Variants in NTRK3 observed in about 807,000 individuals in gnomAD.
NTRK3 encodes NT-3 growth factor receptor.
A neutral mutation model predicts 91.7 loss-of-function variants in NTRK3; 24 were observed. The observed-to-expected ratio is 0.26, with a 90% CI of 0.19 to 0.37. The LOEUF is 0.37. NTRK3 is among the 10% of genes least tolerant of loss of function. The pLI, the probability that NTRK3 is intolerant of heterozygous loss-of-function variation, is 1.00. For synonymous variants in NTRK3, 483 were observed against 404.0 expected, an observed-to-expected ratio of 1.20 and a Z score of -2.34; for missense variants, 880 against 1,068.9, an observed-to-expected ratio of 0.82 and a Z score of 2.46.
At chr15:88,132,424 G>T (rs985711241) in intron 10 of NTRK3, among the ~76,000 whole-genome samples, 1 of 152,184 alleles carries the variant, frequency 6.6e-6, no homozygotes, top group African/African-American at 2.4e-5. Context: ...AGAAGTGATT[G>T]TCCTCCATCT....
chr15:87,873,493 T>TG lies in NTRK3; in HGVS notation c.*3441dup, dbSNP rs149219242. The TG allele has an allele frequency of 2.2e-5, 5 of 231,592 alleles. No homozygotes were observed. The East Asian group carries it at 2.4e-4, about 11-fold the overall frequency. The allele number at this position is 231,592 out of a possible 1,614,324, so 14.3% of individuals were successfully genotyped here. A position where few individuals can be genotyped will look rare whatever the true frequency, so the allele number is the denominator to read the frequency against. On this transcript the variant is annotated 3_prime_UTR_variant, in exon 19 of 19. Coordinates refer to ENST00000394480, the Ensembl canonical transcript of NTRK3. ...AGTCCAGGAGAGGATCCGGTGAGGTTGGCATGGCAGAGAGACCAGCCTGGG... is the reference window on the plus strand; with the variant it reads ...AGTCCAGGAGAGGATCCGGTGAGGTTGGGCATGGCAGAGAGACCAGCCTGGG...
chr15:88,115,885 G>T (rs921523154), intron 13 of NTRK3, among the ~76,000 whole-genome samples: 1 of 152,066 alleles, frequency 6.6e-6, no homozygotes. Flanking sequence ...GACCCACTCC[G>T]AGCCACTCCG....
chr15:88,139,657 G>A (rs926663110), intron 6 of NTRK3, among the ~76,000 whole-genome samples: 3 of 151,870 alleles, frequency 2.0e-5, no homozygotes, highest in Non-Finnish European at 4.4e-5. Context: ...TGCTTCTTAC[G>A]ACAACCCTGG....
intron 13 of NTRK3, among the ~76,000 whole-genome samples, chr15:88,038,923 G>A (rs1214709871): frequency 6.6e-6 from 1 of 152,156 alleles, no homozygotes; most frequent in African/African-American, 2.4e-5. Context: ...CTCTAGGGGA[G>A]GAAGCATTTG....
At chr15:87,926,557 C>A (rs1029954838) in intron 17 of NTRK3, 1 of 152,220 alleles carries the variant, frequency 6.6e-6, no homozygotes, top group East Asian at 1.9e-4. Flanking sequence ...TTCTAATCTA[C>A]CCTGGCACCT....
At chr15:88,139,868 A>C (rs891407649) in intron 6 of NTRK3, among the ~76,000 whole-genome samples, 1 of 129,430 alleles carries the variant, frequency 7.7e-6, no homozygotes, top group Non-Finnish European at 1.6e-5. Flanking sequence ...GAGAGGAGCA[A>C]GCTAGGAGCC....
chr15:88,248,705 G>T (rs80087580), intron 3 of NTRK3, among the ~76,000 whole-genome samples: 1 of 152,160 alleles, frequency 6.6e-6, no homozygotes, highest in Non-Finnish European at 1.5e-5. Flanking sequence ...TCTGGAAAAT[G>T]AGGCTAATAA....
chr15:88,138,981 A>G (rs2042134661), intron 6 of NTRK3, among the ~76,000 whole-genome samples: 1 of 152,208 alleles, frequency 6.6e-6, no homozygotes, highest in Non-Finnish European at 1.5e-5. Context: ...TTTCCAAGAT[A>G]TGCTCAAAGC....
chr15:87,869,976 T>C (rs2064780781), exon 19 of NTRK3: 2 of 192,676 alleles, frequency 1.0e-5, no homozygotes, highest in South Asian at 1.9e-4. Flanking sequence ...ACACGTCTTG[T>C]TGGGTTTTAG....
At chr15:88,047,671 A>G (rs1046658444) in intron 13 of NTRK3, among the ~76,000 whole-genome samples, 5 of 152,158 alleles carry the variant, frequency 3.3e-5, no homozygotes, top group African/African-American at 1.2e-4. Flanking sequence ...GAAGCCTGCC[A>G]AAAAGGGAGT....
intron 8 of NTRK3, 52 bp downstream of exon 8, chr15:88,136,413 TAC>T: frequency 6.2e-7 from 1 of 1,612,672 alleles, no homozygotes; most frequent in South Asian, 1.1e-5. Context: ...TCTTCAAGAC[TAC>T]AGTGTGATCA....
At chr15:88,065,540 A>G (rs1190917406) in intron 13 of NTRK3, among the ~76,000 whole-genome samples, 1 of 152,080 alleles carries the variant, frequency 6.6e-6, no homozygotes, top group East Asian at 1.9e-4. Flanking sequence ...AGGACTGGGC[A>G]GATACCCCAG....
chr15:88,178,163 G>A (rs2046164578), intron 5 of NTRK3, among the ~76,000 whole-genome samples: 1 of 152,212 alleles, frequency 6.6e-6, no homozygotes, highest in South Asian at 2.1e-4. Flanking sequence ...GGGACTTGGA[G>A]AAAAGTCTCA....
intron 15 of NTRK3, among the ~76,000 whole-genome samples, chr15:87,940,156 C>A (rs1264558413): frequency 1.3e-5 from 2 of 152,180 alleles, no homozygotes; most frequent in African/African-American, 4.8e-5. Flanking sequence ...GCACCCCCCT[C>A]CCTCAACATC....
At chr15:88,220,779 C>T (rs1488218215) in intron 3 of NTRK3, among the ~76,000 whole-genome samples, 4 of 152,124 alleles carry the variant, frequency 2.6e-5, no homozygotes, top group Admixed American at 6.6e-5. Context: ...GGAATGCTGG[C>T]CACAGGACTC....
rs140469239 is a variant in NTRK3, at chr15:88,153,348, T to A, written c.396-5945A>T. Reference sequence around the variant, plus strand: ...ACCTCCGCCTCCCGGGTTGAAGCGATTCTTCTGCCTACGCCTCCCGAGTAG... The same window carrying A: ...ACCTCCGCCTCCCGGGTTGAAGCGAATCTTCTGCCTACGCCTCCCGAGTAG... On this transcript the variant is annotated intron_variant, in intron 5 of 18. Coordinates refer to ENST00000394480, the Ensembl canonical transcript of NTRK3. Among the ~76,000 whole-genome samples the A allele has an allele frequency of 2.8e-3, 427 of 152,274 alleles. 3 individuals carry two copies. In the Middle Eastern group the frequency reaches 0.031, roughly 11 times the overall value.
At chr15:88,017,525 A>C (rs1202153654) in intron 14 of NTRK3, among the ~76,000 whole-genome samples, 1 of 152,204 alleles carries the variant, frequency 6.6e-6, no homozygotes, top group East Asian at 1.9e-4. Flanking sequence ...AGAACCTGTG[A>C]TGTCTCCATC....
intron 14 of NTRK3, among the ~76,000 whole-genome samples, chr15:88,018,429 C>T (rs1055788411): frequency 2.0e-5 from 3 of 152,202 alleles, no homozygotes; most frequent in African/African-American, 7.2e-5. Flanking sequence ...GTAGAAGTGG[C>T]ATGCTCCTAA....
At chr15:88,114,294 T>C (rs1196588031) in intron 13 of NTRK3, among the ~76,000 whole-genome samples, 1 of 152,176 alleles carries the variant, frequency 6.6e-6, no homozygotes. Context: ...TCAAAAAAGA[T>C]GAAATTAAAA....
Sources: gnomAD v4.1 joint callset for allele counts (sites outside exome capture counted in the v4.1 genomes callset) on GRCh38, gnomAD v4.1.1 for gene constraint, MANE v1.5 for transcripts, NCBI Gene and HGNC (gene_info 2026-07-23, HGNC 2026-07-21) for gene names.